The following OXGR1 variants were observed in gnomAD, a reference collection of about 807,000 sequenced individuals.
The protein encoded by OXGR1 is oxoglutarate receptor 1.
OXGR1 carries 10 observed loss-of-function variants against 10.0 expected under a neutral mutation model. The ratio of observed to expected loss-of-function variants is 1.00; its 90% CI spans 0.62 to 1.70. OXGR1 has a LOEUF of 1.70. Ranked by LOEUF, OXGR1 falls within the 40% of genes most tolerant of loss-of-function variation. The pLI is 0.00. For synonymous variants in OXGR1, 191 were observed against 155.9 expected, an observed-to-expected ratio of 1.22 and a Z score of -1.68; for missense variants, 398 against 407.6, an observed-to-expected ratio of 0.98 and a Z score of 0.20.
intron 2 of OXGR1, among the ~76,000 whole-genome samples, chr13:96,991,096 T>C (rs1167929573): frequency 1.3e-5 from 2 of 152,128 alleles, no homozygotes; most frequent in Non-Finnish European, 1.5e-5. Flanking sequence ...GGGTTATAGG[T>C]AGAAACAACT....
rs775959385 is a variant in OXGR1 at position 96,987,542 on chromosome 13, A to T, written c.218T>A (p.Leu73Gln). Residue 73 changes from leucine (L) to glutamine (Q), a missense_variant, in exon 4 of 4, where the codon CTG (leucine) becomes CAG (glutamine). Coordinates refer to ENST00000541038, the MANE Select transcript of OXGR1 (RefSeq NM_001346194.2). ...RPWKSSTIIM[L>Q]NLACTDLLYL... Reference sequence around the variant, plus strand: ...CAGCAGATCTGTGCAGGCCAGGTTCAGCATAATGATGGTGCTGCTCTTCCA... The same window carrying T: ...CAGCAGATCTGTGCAGGCCAGGTTCTGCATAATGATGGTGCTGCTCTTCCA... The T allele has an allele frequency of 1.2e-6, 2 of 1,614,154 alleles. No individual in the cohort carries two copies. Among genetic ancestry groups the T allele is most frequent in the Non-Finnish European group, 1.7e-6 (2 of 1,179,990 alleles).
chr13:96,987,075 G>A lies in OXGR1; in HGVS notation c.685C>T (p.Leu229=). 1 of 1,614,242 alleles carries A rather than the reference G, an allele frequency of 6.2e-7. No homozygotes were observed. Among genetic ancestry groups the A allele is most frequent in the Non-Finnish European group, 8.5e-7 (1 of 1,180,036 alleles). Residue 229 remains leucine (L), a synonymous_variant, in exon 4 of 4, where the codon CTG becomes TTG. Coordinates refer to ENST00000541038, the MANE Select transcript of OXGR1 (RefSeq NM_001346194.2). ...TTIIHTLTHG[L]QTDSCLKQKA... Reference sequence around the variant, plus strand: ...TGCTTAAGGCAGCTGTCAGTTTGCAGTCCATGGGTCAGAGTGTGGATAATC... The same window carrying A: ...TGCTTAAGGCAGCTGTCAGTTTGCAATCCATGGGTCAGAGTGTGGATAATC...
In OXGR1 at chr13:96,987,042, G is replaced by A. The variant is rs536065042; in HGVS notation, c.718C>T (p.Arg240Ter). Reference protein sequence around the residue: ...QTDSCLKQKARRLTILLLLAF... With the variant: ...QTDSCLKQKA ...AGGAGTAGCAGAATGGTTAGCCTTC[G>A]TGCTTTCTGCTTAAGGCAGCTGTCA... is the stretch of plus-strand genomic sequence containing the variant. The change falls in exon 4 of 4, where the codon CGA becomes TGA. Residue 240 changes from arginine to a stop codon, truncating the protein, a stop_gained. Coordinates refer to ENST00000541038, the MANE Select transcript of OXGR1 (RefSeq NM_001346194.2). LOFTEE classifies it high-confidence loss of function. The A allele has an allele frequency of 1.8e-5, 29 of 1,614,196 alleles. No individual in the cohort carries two copies. Among genetic ancestry groups the A allele is most frequent in the South Asian group, 1.8e-4 (16 of 91,082 alleles).
At position 96,986,957 on chromosome 13, in the gene OXGR1, C is replaced by A; in HGVS notation, c.803G>T (p.Arg268Leu). The change falls in exon 4 of 4, where the codon CGC becomes CTC. Residue 268 changes from arginine (R) to leucine (L), a missense_variant. Transcript: ENST00000541038. ...HILRVIRIES[R>L]LLSISCSIEN... is the part of the protein sequence containing the mutation. ...AATGGAACAACTGATTGAAAGCAGGCGAGATTCGATCCGAATGACCCTCAA... is the reference window on the plus strand; with the variant it reads ...AATGGAACAACTGATTGAAAGCAGGAGAGATTCGATCCGAATGACCCTCAA... The A allele has an allele frequency of 6.2e-7, 1 of 1,614,014 alleles. No individual in the cohort carries two copies.
At chr13:96,992,125 A>G (rs544781922) in intron 2 of OXGR1, among the ~76,000 whole-genome samples, 20 of 148,188 alleles carry the variant, frequency 1.3e-4, no homozygotes, top group African/African-American at 5.3e-4. Flanking sequence ...GCTAATGTGT[A>G]CAAAAAAAAA....
At chr13:96,993,517 G>A (rs1226777840) in intron 1 of OXGR1, among the ~76,000 whole-genome samples, 1 of 151,994 alleles carries the variant, frequency 6.6e-6, no homozygotes, top group South Asian at 2.1e-4. Context: ...CCACACACCC[G>A]GCCAATCCCC....
chr13:96,987,276 GTGAA>G lies in OXGR1; in HGVS notation c.480_483del (p.Ser161TrpfsTer2), dbSNP rs1457715912. Reference sequence around the variant, plus strand: ...AAGGTCATCGGAATGACAGCTACCAGTGAAATGATCCACACCACAGCACAGGCTA... The same window carrying G: ...AAGGTCATCGGAATGACAGCTACCAGATGATCCACACCACAGCACAGGCTA... On this transcript the variant is annotated frameshift_variant, in exon 4 of 4. Coordinates refer to ENST00000541038, the MANE Select transcript of OXGR1 (RefSeq NM_001346194.2). LOFTEE classifies it high-confidence loss of function. 6.2e-7 allele frequency: 1 copy of G among 1,613,670 alleles called. No individual in the cohort carries two copies. Among genetic ancestry groups the G allele is most frequent in the South Asian group, 1.1e-5 (1 of 91,082 alleles).
Position 96,987,036 on chromosome 13 carries a change from G to A in OXGR1, c.724C>T (p.Leu242=), listed in dbSNP as rs994290816. 4.3e-6 allele frequency: 7 copies of A among 1,614,090 alleles called. No individual in the cohort carries two copies. The highest frequency in any genetic ancestry group is 3.3e-5 in the Admixed American group (2 of 60,012). ...AATGCAAGGAGTAGCAGAATGGTTA[G>A]CCTTCGTGCTTTCTGCTTAAGGCAG... ...DSCLKQKARR[L]TILLLLAFYV... The change falls in exon 4 of 4, where the codon CTA becomes TTA. Residue 242 remains leucine (L), a synonymous_variant. Coordinates refer to ENST00000541038, the MANE Select transcript of OXGR1 (RefSeq NM_001346194.2).
chr13:96,991,418 G>A (rs918538948), intron 2 of OXGR1, among the ~76,000 whole-genome samples: 13 of 152,142 alleles, frequency 8.5e-5, no homozygotes, highest in African/African-American at 2.7e-4. Context: ...AGACAAATGT[G>A]GCACAACCCT....
At chr13:96,991,995 T>C (rs982030340) in intron 2 of OXGR1, among the ~76,000 whole-genome samples, 2 of 152,142 alleles carry the variant, frequency 1.3e-5, no homozygotes, top group African/African-American at 4.8e-5. Context: ...AGACAAACAT[T>C]GCATGTTCTC....
chr13:96,991,100 A>C (rs1409005040), intron 2 of OXGR1, among the ~76,000 whole-genome samples: 1 of 152,210 alleles, frequency 6.6e-6, no homozygotes, highest in African/African-American at 2.4e-5. Flanking sequence ...TATAGGTAGA[A>C]ACAACTGCCT....
In OXGR1 at chr13:96,987,649, A is replaced by C; in HGVS notation, c.111T>G (p.Pro37=). ...CGAGGAAGATAATGCCATAAATAAC[A>C]GGGAGGTAGTGCATCTTGAGTGGGA... ...ENIPLKMHYL[P]VIYGIIFLVG... is the part of the protein sequence containing the mutation. Residue 37 remains proline (P), a synonymous_variant, in exon 4 of 4, where the codon CCT becomes CCG. Transcript: ENST00000541038. 6.2e-7 allele frequency: 1 copy of C among 1,614,180 alleles called. No individual in the cohort carries two copies. The highest frequency in any genetic ancestry group is 8.5e-7 in the Non-Finnish European group (1 of 1,180,012).
intron 2 of OXGR1, among the ~76,000 whole-genome samples, chr13:96,991,743 G>A (rs1882068328): frequency 1.3e-5 from 2 of 152,160 alleles, no homozygotes; most frequent in South Asian, 4.1e-4. Flanking sequence ...ATACCCAAAA[G>A]AAAGGAAATC....
intron 2 of OXGR1, among the ~76,000 whole-genome samples, chr13:96,992,216 A>G (rs1043311949): frequency 1.3e-4 from 20 of 152,154 alleles, no homozygotes; most frequent in African/African-American, 4.8e-4. Context: ...TTAATTGCAC[A>G]TTTTTAAATA....
rs1362720175 is a variant in OXGR1, at chr13:96,986,593, A to G, written c.*153T>C. 23 of 747,610 alleles carry G rather than the reference A, an allele frequency of 3.1e-5. No individual in the cohort carries two copies. The highest frequency in any genetic ancestry group is 4.9e-5 in the Non-Finnish European group (23 of 470,358). The allele number at this position is 747,610 out of a possible 1,614,324, so 46.3% of individuals were successfully genotyped here. On this transcript the variant is annotated 3_prime_UTR_variant, in exon 4 of 4. Transcript: ENST00000541038. The stretch of plus-strand genomic sequence containing the variant: ...TGGAGGAGCTCAATAAAGGGATTGC[A>G]AAGAACTAGAAGCTCTGCCCTGGCT...
chr13:96,990,856 C>T (rs541148981), intron 2 of OXGR1, among the ~76,000 whole-genome samples: 6 of 148,482 alleles, frequency 4.0e-5, no homozygotes, highest in African/African-American at 1.3e-4. Context: ...GGCTGAGGCA[C>T]GAGAATCGCT....
chr13:96,992,766 T>C (rs1005268393), intron 1 of OXGR1, among the ~76,000 whole-genome samples, 194 bp from the exon 2 acceptor site: 19 of 152,220 alleles, frequency 1.2e-4, no homozygotes, highest in Non-Finnish European at 2.9e-5. Flanking sequence ...TATCCAACAA[T>C]GCCTGTACCT....
In OXGR1 at chr13:96,994,381, G is replaced by T. The variant is rs1882214535; in HGVS notation, c.-361C>A. ...CGGACCGCAGACCTGTCCCGGGGAG[G>T]CTGCGCACCGCCCCGCCCCTCCCAC... is the stretch of plus-strand genomic sequence containing the variant. On this transcript the variant is annotated 5_prime_UTR_variant, in exon 1 of 4. Coordinates refer to ENST00000541038, the MANE Select transcript of OXGR1 (RefSeq NM_001346194.2). 1 of 152,226 alleles carries T rather than the reference G, an allele frequency of 6.6e-6. No individual in the cohort carries two copies. Among genetic ancestry groups the T allele is most frequent in the Non-Finnish European group, 1.5e-5 (1 of 68,108 alleles). 9.4% of individuals were successfully genotyped at this position (152,226 alleles called of 1,614,324 possible). A position where few individuals can be genotyped will look rare whatever the true frequency, so the allele number is the denominator to read the frequency against.
chr13:96,987,878 C>A (rs1373374898), intron 3 of OXGR1, 45 bp from the exon 4 acceptor site: 1 of 1,326,844 alleles, frequency 7.5e-7, no homozygotes, highest in Non-Finnish European at 1.0e-6. Flanking sequence ...GTAATAAAAA[C>A]AAGGATCTAC....
Sources: gnomAD v4.1 joint callset for allele counts (sites outside exome capture counted in the v4.1 genomes callset) on GRCh38, gnomAD v4.1.1 for gene constraint, MANE v1.5 for transcripts, NCBI Gene and HGNC (gene_info 2026-07-23, HGNC 2026-07-21) for gene names.